CCNO: variants seen among roughly 807,000 people sequenced by gnomAD.
CCNO encodes cyclin-O.
Under a neutral mutation model 23.9 loss-of-function variants are expected in CCNO, and 24 were observed. The ratio of observed to expected loss-of-function variants is 1.00; its 90% CI spans 0.73 to 1.41. The LOEUF (loss-of-function observed/expected upper bound fraction) is 1.41. CCNO is among the 40% of genes most tolerant of loss of function. The pLI is 0.00. For synonymous variants in CCNO, 241 were observed against 225.7 expected (o/e 1.07, Z -0.61); for missense variants, 542 against 476.2 (o/e 1.14, Z -1.29).
At position 55,233,557 on chromosome 5, in the gene CCNO, C is replaced by T. The variant is rs1221646012; in HGVS notation, c.-34G>A. 1.3e-6 allele frequency: 2 copies of T among 1,490,776 alleles called. No individual in the cohort carries two copies. Among genetic ancestry groups the T allele is most frequent in the Non-Finnish European group, 1.8e-6 (2 of 1,127,200 alleles). The allele number at this position is 1,490,776 out of a possible 1,614,324, so 92.3% of individuals were successfully genotyped here. On this transcript the variant is annotated 5_prime_UTR_variant, in exon 1 of 3. Coordinates refer to ENST00000282572, the MANE Select transcript of CCNO (RefSeq NM_021147.5). ...CGGGTGGCCGCTTTACTACCTTCAACGCCCGGGCTGCGGCGGGCAGCAAAC... is the reference window on the plus strand; with the variant it reads ...CGGGTGGCCGCTTTACTACCTTCAATGCCCGGGCTGCGGCGGGCAGCAAAC...
Position 55,233,190 on chromosome 5 carries a change from G to A in CCNO, c.334C>T (p.Gln112Ter). The change falls in exon 1 of 3, where the codon CAG becomes TAG. Residue 112 changes from glutamine to a stop codon, truncating the protein, a stop_gained. Transcript: ENST00000282572. LOFTEE classifies it high-confidence loss of function. Reference protein sequence around the residue: ...GQSCYAFRKAQESHFHPREAL... With the variant: ...GQSCYAFRKA ...TCCCGCGGGTGGAAGTGGCTCTCCTGCGCCTTGCGGAAGGCGTAGCAGCTC... is the reference window on the plus strand; with the variant it reads ...TCCCGCGGGTGGAAGTGGCTCTCCTACGCCTTGCGGAAGGCGTAGCAGCTC... 6.4e-7 allele frequency: 1 copy of A among 1,553,234 alleles called. No individual in the cohort carries two copies. Among genetic ancestry groups the A allele is most frequent in the Non-Finnish European group, 8.7e-7 (1 of 1,149,760 alleles).
chr5:55,233,271 C>CGGGCA lies in CCNO; in HGVS notation c.248_252dup (p.Gly85CysfsTer11), dbSNP rs587777498. ...AGCTGCGCCACGGGCTGGGCCGGGC[C>CGGGCA]GGGCAGGGGGCTACCACCCCGCGCC... On this transcript the variant is annotated frameshift_variant, in exon 1 of 3. Coordinates refer to ENST00000282572, the MANE Select transcript of CCNO (RefSeq NM_021147.5). LOFTEE classifies it high-confidence loss of function. The CGGGCA allele has an allele frequency of 4.8e-5, 76 of 1,590,442 alleles. No homozygotes were observed. The highest frequency in any genetic ancestry group is 9.4e-5 in the African/African-American group (7 of 74,828).
chr5:55,233,564 G>A lies in CCNO; in HGVS notation c.-41C>T, dbSNP rs760308884. The A allele has an allele frequency of 6.8e-7, 1 of 1,474,622 alleles. No individual in the cohort carries two copies. The highest frequency in any genetic ancestry group is 1.4e-5 in the South Asian group (1 of 72,420). The allele number at this position is 1,474,622 out of a possible 1,614,324, so 91.3% of individuals were successfully genotyped here. On this transcript the variant is annotated 5_prime_UTR_variant, in exon 1 of 3. Transcript: ENST00000282572. Reference sequence around the variant, plus strand: ...CCGCTTTACTACCTTCAACGCCCGGGCTGCGGCGGGCAGCAAACGCGCACT... The same window carrying A: ...CCGCTTTACTACCTTCAACGCCCGGACTGCGGCGGGCAGCAAACGCGCACT...
At position 55,231,674 on chromosome 5, in the gene CCNO, C is replaced by T; in HGVS notation, c.754G>A (p.Ala252Thr). The T allele has an allele frequency of 6.4e-7, 1 of 1,558,852 alleles. No homozygotes were observed. Among genetic ancestry groups the T allele is most frequent in the Non-Finnish European group, 8.7e-7 (1 of 1,151,936 alleles). ...HARVEAGQAE[A>T]SEALEAQALA... ...GCTTGCGCTTCCAGAGCTTCGGAGG[C>T]CTCAGCCTGCCCCGCCTCCACGCGA... Residue 252 changes from alanine to threonine, a missense_variant, in exon 3 of 3, where the codon GCC (alanine) becomes ACC (threonine). Physicochemically the swap from Ala to Thr is moderately conservative, Grantham distance 58. Transcript: ENST00000282572.
At position 55,231,904 on chromosome 5, in the gene CCNO, G is replaced by A. The variant is rs773558323; in HGVS notation, c.568-44C>T. 1.0e-5 allele frequency: 15 copies of A among 1,485,258 alleles called. No individual in the cohort carries two copies. In the East Asian group the frequency reaches 3.2e-4, roughly 32 times the overall value. 92.0% of individuals were successfully genotyped at this position (1,485,258 alleles called of 1,614,324 possible). ...TCAACCCCGCTTTGCGGCTTCCCGGGCCCCAGGCCCACCCCAGTATGACGC... is the reference window on the plus strand; with the variant it reads ...TCAACCCCGCTTTGCGGCTTCCCGGACCCCAGGCCCACCCCAGTATGACGC... On this transcript the variant is annotated intron_variant, in intron 2 of 2. Coordinates refer to ENST00000282572, the MANE Select transcript of CCNO (RefSeq NM_021147.5).
chr5:55,232,466 C>T lies in CCNO; in HGVS notation c.462G>A (p.Leu154=), dbSNP rs778310459. 7.4e-6 allele frequency: 12 copies of T among 1,613,906 alleles called. No homozygotes were observed. The East Asian group carries it at 2.5e-4, about 33-fold the overall frequency. Residue 154 remains leucine, a synonymous_variant, in exon 2 of 3, where the codon CTG becomes CTA. Transcript: ENST00000282572. ...GGTCCAGAGTGTTCACCGTCAGGCA[C>T]AGCGACTCGAAGGAGAGGCCGAATT... ...HRQFGLSFES[L]CLTVNTLDRF...
rs1326023474 is a variant in CCNO, at chr5:55,232,472, C to T, written c.456G>A (p.Glu152=). Residue 152 remains glutamate, a synonymous_variant, in exon 2 of 3, where the codon GAG becomes GAA. Coordinates refer to ENST00000282572, the MANE Select transcript of CCNO (RefSeq NM_021147.5). ...GAGTGTTCACCGTCAGGCACAGCGACTCGAAGGAGAGGCCGAATTGGCGGT... is the reference window on the plus strand; with the variant it reads ...GAGTGTTCACCGTCAGGCACAGCGATTCGAAGGAGAGGCCGAATTGGCGGT... The part of the protein sequence containing the change: ...PVHRQFGLSF[E]SLCLTVNTLD... The T allele has an allele frequency of 6.2e-7, 1 of 1,613,860 alleles. No individual in the cohort carries two copies. Among genetic ancestry groups the T allele is most frequent in the Admixed American group, 1.7e-5 (1 of 60,002 alleles).
Position 55,231,821 on chromosome 5 carries a change from G to T in CCNO, c.607C>A (p.Leu203Ile), listed in dbSNP as rs764800405. ...HPPRVKQLLA[L>I]CCGAFSRQQL... ...TGCCGGGAGAAGGCGCCGCAGCAGA[G>T]GGCCAGAAGCTGCTTCACGCGCGGC... The change falls in exon 3 of 3, where the codon CTC becomes ATC. Residue 203 changes from leucine to isoleucine, a missense_variant. Coordinates refer to ENST00000282572, the MANE Select transcript of CCNO (RefSeq NM_021147.5). 3.2e-6 allele frequency: 5 copies of T among 1,553,502 alleles called. No individual in the cohort carries two copies. The highest frequency in any genetic ancestry group is 4.4e-6 in the Non-Finnish European group (5 of 1,149,098).
chr5:55,232,228 A>C lies in CCNO; in HGVS notation c.567+133T>G, dbSNP rs565674699. The C allele has an allele frequency of 1.5e-5, 12 of 777,612 alleles. No individual in the cohort carries two copies. In the East Asian group the frequency reaches 2.6e-4, roughly 17 times the overall value. 48.2% of individuals were successfully genotyped at this position (777,612 alleles called of 1,614,324 possible). A position where few individuals can be genotyped will look rare whatever the true frequency, so the allele number is the denominator to read the frequency against. On this transcript the variant is annotated intron_variant, in intron 2 of 2. Coordinates refer to ENST00000282572, the MANE Select transcript of CCNO (RefSeq NM_021147.5). ...AGGCTAAGGGATATATGCGTATGCA[A>C]ATGTCTGATAAAATGAGTTCTGGGA... is the stretch of plus-strand genomic sequence containing the variant.
chr5:55,233,052 G>C, intron 1 of CCNO, 91 bp downstream of exon 1: 1 of 1,385,558 alleles, frequency 7.2e-7, no homozygotes, highest in Non-Finnish European at 9.6e-7. Context: ...TCGCGGGCCC[G>C]GGCGCTCGGA....
In CCNO at chr5:55,232,694, A is replaced by G. The variant is rs1281759520; in HGVS notation, c.382-148T>C. On this transcript the variant is annotated intron_variant, in intron 1 of 2. Coordinates refer to ENST00000282572, the MANE Select transcript of CCNO (RefSeq NM_021147.5). ...AGAGAAACGCAATGGAAACTGGGAA[A>G]CGCGTGGGCCGTGCTGAGCCGGAAC... The G allele has an allele frequency of 4.0e-6, 3 of 759,030 alleles. No homozygotes were observed. In the African/African-American group the frequency reaches 5.2e-5, roughly 13 times the overall value. 47.0% of individuals were successfully genotyped at this position (759,030 alleles called of 1,614,324 possible).
Position 55,231,291 on chromosome 5 carries a change from T to C in CCNO, c.*84A>G. ...ACCAAGCAGGTCCTGAAGCCTTCTC[T>C]GTGGACCAGTACTGCACTCTTCTGA... On this transcript the variant is annotated 3_prime_UTR_variant, in exon 3 of 3. Transcript: ENST00000282572. The C allele has an allele frequency of 3.3e-6, 5 of 1,511,558 alleles. No individual in the cohort carries two copies. Among genetic ancestry groups the C allele is most frequent in the Non-Finnish European group, 4.5e-6 (5 of 1,106,986 alleles). The allele number at this position is 1,511,558 out of a possible 1,614,324, so 93.6% of individuals were successfully genotyped here.
At position 55,231,482 on chromosome 5, in the gene CCNO, A is replaced by G; in HGVS notation, c.946T>C (p.Cys316Arg). 1 of 1,614,064 alleles carries G rather than the reference A, an allele frequency of 6.2e-7. No homozygotes were observed. The highest frequency in any genetic ancestry group is 8.5e-7 in the Non-Finnish European group (1 of 1,180,026). ...ACCAGCAGCTGCAACTTGCCCATAC[A>G]GTCCTCCAGCGCCGCCTCCGGGTGG... ...GDHPEAALED[C>R]MGKLQLLVAI... The change falls in exon 3 of 3, where the codon TGT becomes CGT. Residue 316 changes from cysteine to arginine, a missense_variant. Transcript: ENST00000282572.
At position 55,232,561 on chromosome 5, in the gene CCNO, G is replaced by C. The variant is rs368489305; in HGVS notation, c.382-15C>G. On this transcript the variant is annotated splice_polypyrimidine_tract_variant and intron_variant, in intron 1 of 2. Transcript: ENST00000282572. Reference sequence around the variant, plus strand: ...TCCGCCGTCACCTGCCGGGAAGGAGGGGGGAGGCGGGCCCGCTGGGCTTAG... The same window carrying C: ...TCCGCCGTCACCTGCCGGGAAGGAGCGGGGAGGCGGGCCCGCTGGGCTTAG... 84 of 1,612,808 alleles carry C rather than the reference G, an allele frequency of 5.2e-5. No individual in the cohort carries two copies. The highest frequency in any genetic ancestry group is 6.0e-5 in the Non-Finnish European group (71 of 1,179,744).
At chr5:55,232,838 G>A (rs1185631240) in intron 1 of CCNO, 1 of 589,830 alleles carries the variant, frequency 1.7e-6, no homozygotes, top group East Asian at 2.8e-5. Flanking sequence ...AGAAGCTCAG[G>A]GGTGTTAAAT....
At chr5:55,233,608 C>CGGGCTCAGAGGCT, upstream of CCNO, 1 of 1,341,900 alleles carries the variant, frequency 7.5e-7, no homozygotes, top group Non-Finnish European at 9.9e-7. Context: ...CGAAGGAGGC[C>CGGGCTCAGAGGCT]GGGCTCAGAG....
Position 55,231,408 on chromosome 5 carries a change from G to C in CCNO, c.1020C>G (p.Cys340Trp). ...SLTHMLPVQI[C>W]EKCSLPPSSK ...AGCTCGGGGGCAGGCTGCACTTCTC[G>C]CAGATCTGAACGGGCAGCATGTGAG... is the stretch of plus-strand genomic sequence containing the variant. Residue 340 changes from cysteine (C) to tryptophan (W), a missense_variant, in exon 3 of 3, where the codon TGC (cysteine) becomes TGG (tryptophan). Transcript: ENST00000282572. The C allele has an allele frequency of 6.2e-7, 1 of 1,614,074 alleles. No homozygotes were observed. Among genetic ancestry groups the C allele is most frequent in the Non-Finnish European group, 8.5e-7 (1 of 1,179,982 alleles).
At chr5:55,232,857 CGAGTTCGGTAG>C in intron 1 of CCNO, 1 of 586,900 alleles carries the variant, frequency 1.7e-6, no homozygotes, top group Non-Finnish European at 3.0e-6. Context: ...ATAACTTGCC[CGAGTTCGGTAG>C]GAGTCCAGAC....
Position 55,232,471 on chromosome 5 carries a change from A to C in CCNO, c.457T>G (p.Ser153Ala), listed in dbSNP as rs1257099597. ...AGAGTGTTCACCGTCAGGCACAGCG[A>C]CTCGAAGGAGAGGCCGAATTGGCGG... ...VHRQFGLSFESLCLTVNTLDR... is the reference protein window; with the variant it reads ...VHRQFGLSFEALCLTVNTLDR... Residue 153 changes from serine to alanine, a missense_variant, in exon 2 of 3, where the codon TCG (serine) becomes GCG (alanine). By Grantham distance (99) the Ser-to-Ala change is moderately conservative. Transcript: ENST00000282572. 6.2e-7 allele frequency: 1 copy of C among 1,613,800 alleles called. No homozygotes were observed. The highest frequency in any genetic ancestry group is 1.7e-5 in the Admixed American group (1 of 60,002).
Sources: gnomAD v4.1 joint callset for allele counts on GRCh38, gnomAD v4.1.1 for gene constraint, MANE v1.5 for transcripts, NCBI Gene and HGNC (gene_info 2026-07-23, HGNC 2026-07-21) for gene names.